LRP1-AS: variants seen among roughly 807,000 people sequenced by gnomAD.
LRP1-AS encodes the protein LRP1 antisense RNA.
At chr12:57,146,605 A>T (rs2035411886) in intron 1 of LRP1-AS, 1 of 152,182 alleles carries the variant, frequency 6.6e-6, no homozygotes, top group African/African-American at 2.4e-5. Context: ...GGTGGCGAGC[A>T]GGGGTTCCTC....
At chr12:57,146,080 C>G (rs1439122338) in intron 1 of LRP1-AS, among the ~76,000 whole-genome samples, 1 of 152,148 alleles carries the variant, frequency 6.6e-6, no homozygotes, top group Non-Finnish European at 1.5e-5. Flanking sequence ...TGCTTCCATT[C>G]AGGCTTCTCC....
At chr12:57,144,950 A>G (rs771003470) in exon 2 of LRP1-AS, 3 of 1,611,242 alleles carry the variant, frequency 1.9e-6, no homozygotes, top group Admixed American at 3.3e-5. Context: ...AAATGACCAC[A>G]TTCTTGCCCT....
exon 2 of LRP1-AS, chr12:57,144,785 C>G: frequency 1.4e-5 from 9 of 627,964 alleles, no homozygotes; most frequent in South Asian, 1.3e-4. Flanking sequence ...GAGTGTTTCT[C>G]TAGAGTGGAT....
In LRP1-AS at chr12:57,145,612, G is replaced by A; in HGVS notation, n.182-529C>T. The stretch of plus-strand genomic sequence containing the variant: ...GGTCCTGTCTGGGGCAGGAGAAGCA[G>A]GAGGCTGGATACAATGGTGTGTGTT... On this transcript the variant is annotated intron_variant and non_coding_transcript_variant, in intron 1 of 1. Transcript: ENST00000555461. 2.3e-6 allele frequency: 3 copies of A among 1,281,742 alleles called. No homozygotes were observed. The South Asian group carries it at 4.0e-5, about 17-fold the overall frequency. 79.4% of individuals were successfully genotyped at this position (1,281,742 alleles called of 1,614,324 possible). A position where few individuals can be genotyped will look rare whatever the true frequency, so the allele number is the denominator to read the frequency against.
chr12:57,146,895 C>G (rs557968647), intron 1 of LRP1-AS, among the ~76,000 whole-genome samples: 13 of 151,646 alleles, frequency 8.6e-5, no homozygotes, highest in African/African-American at 3.1e-4. Context: ...CACTGACCTA[C>G]TCAACAGGCC....
intron 1 of LRP1-AS, chr12:57,145,309 T>C: frequency 1.9e-6 from 3 of 1,614,126 alleles, no homozygotes; most frequent in African/African-American, 2.7e-5. Context: ...CCCAGGTGTC[T>C]ACCATCACAC....
At chr12:57,145,235 G>C (rs773826305) in intron 1 of LRP1-AS, 2 of 1,614,110 alleles carry the variant, frequency 1.2e-6, no homozygotes. Flanking sequence ...AGAGCCAGTA[G>C]ACCGGCCCCC....
At chr12:57,145,163 G>T (rs1178357189) in intron 1 of LRP1-AS, 3 of 1,613,186 alleles carry the variant, frequency 1.9e-6, no homozygotes, top group African/African-American at 2.7e-5. Context: ...TCCCTGGTGG[G>T]TGGTGGCCTG....
At chr12:57,146,406 G>T (rs1020703000) in intron 1 of LRP1-AS, 2 of 152,212 alleles carry the variant, frequency 1.3e-5, no homozygotes, top group Non-Finnish European at 2.9e-5. Context: ...GAGCTTGTCT[G>T]TCTAGATCAG....
exon 2 of LRP1-AS, chr12:57,144,905 G>A: frequency 6.8e-7 from 1 of 1,478,988 alleles, no homozygotes; most frequent in Non-Finnish European, 9.4e-7. Flanking sequence ...GATCATGTCT[G>A]ATGATCACCC....
At chr12:57,145,170 C>T in intron 1 of LRP1-AS, 1 of 1,613,220 alleles carries the variant, frequency 6.2e-7, no homozygotes, top group Non-Finnish European at 8.5e-7. Context: ...TGGGTGGTGG[C>T]CTGAGAGGTG....
chr12:57,144,852 C>A, exon 2 of LRP1-AS: 1 of 992,840 alleles, frequency 1.0e-6, no homozygotes, highest in South Asian at 1.4e-5. Flanking sequence ...GTAATAGATT[C>A]TGCCGAACTG....
Position 57,146,051 on chromosome 12 carries a change from G to A in LRP1-AS, n.182-968C>T, listed in dbSNP as rs113953523. Among the ~76,000 whole-genome samples the A allele has an allele frequency of 9.1e-3, 1,387 of 152,276 alleles. 9 individuals are homozygous for A. The highest frequency in any genetic ancestry group is 0.015 in the Non-Finnish European group (1,011 of 68,004). ...TGGGAGAGGAGCGTGAGCCACATGA[G>A]ATTTTAGAATATCCTGGATGCTTCC... On this transcript the variant is annotated intron_variant and non_coding_transcript_variant, in intron 1 of 1. Coordinates refer to ENST00000555461, the Ensembl canonical transcript of LRP1-AS.
At chr12:57,145,161 G>A in intron 1 of LRP1-AS, 2 of 1,613,352 alleles carry the variant, frequency 1.2e-6, no homozygotes, top group Non-Finnish European at 1.7e-6. Context: ...GTTCCCTGGT[G>A]GGTGGTGGCC....
chr12:57,144,838 T>C, exon 2 of LRP1-AS: 4 of 872,006 alleles, frequency 4.6e-6, no homozygotes, highest in Non-Finnish European at 7.4e-6. Context: ...GCACATTTCA[T>C]GCTGTAATAG....
intron 1 of LRP1-AS, chr12:57,146,595 G>A (rs1328173091): frequency 6.6e-6 from 1 of 152,180 alleles, no homozygotes; most frequent in African/African-American, 2.4e-5. Flanking sequence ...TCCCCGGGAT[G>A]GTGGCGAGCA....
chr12:57,144,939 G>T, exon 2 of LRP1-AS: 1 of 1,608,160 alleles, frequency 6.2e-7, no homozygotes. Flanking sequence ...TGTCACACTG[G>T]AAATGACCAC....
chr12:57,144,966 C>G, exon 2 of LRP1-AS: 6 of 1,613,306 alleles, frequency 3.7e-6, no homozygotes, highest in South Asian at 3.3e-5. Context: ...GCCCTTTCCT[C>G]GGCAGATTTT....
chr12:57,145,450 C>T (rs370426547), intron 1 of LRP1-AS: 73 of 1,614,022 alleles, frequency 4.5e-5, no homozygotes, highest in African/African-American at 1.7e-4. Flanking sequence ...TAAAGGGCTT[C>T]GTGGATGAGC....
Sources: allele counts gnomAD v4.1 joint callset (sites outside exome capture counted in the v4.1 genomes callset), GRCh38; gene constraint gnomAD v4.1.1; transcripts MANE v1.5; gene names NCBI Gene and HGNC (gene_info 2026-07-23, HGNC 2026-07-21).